The following RAB7A variants were observed in gnomAD, a reference collection of about 807,000 sequenced individuals.
The protein encoded by RAB7A is RAB7A, member RAS oncogene family.
A neutral mutation model predicts 24.5 loss-of-function variants in RAB7A; 2 were observed. That is an observed-to-expected ratio of 0.08 (90% CI 0.03 to 0.26). The LOEUF is 0.26. Ranked by LOEUF, RAB7A falls within the 10% of genes least tolerant of loss-of-function variation. The pLI, the probability that RAB7A is intolerant of heterozygous loss-of-function variation, is 1.00. For synonymous variants in RAB7A, 100 were observed against 95.9 expected (o/e 1.04, Z -0.25); for missense variants, 118 against 255.7 (o/e 0.46, Z 3.67).
chr3:128,798,176 C>A, intron 3 of RAB7A, 107 bp downstream of exon 3: 1 of 1,438,674 alleles, frequency 7.0e-7, no homozygotes, highest in Non-Finnish European at 9.7e-7. Context: ...ATCTTATTAT[C>A]TTATTTGTAG....
intron 1 of RAB7A, among the ~76,000 whole-genome samples, chr3:128,758,176 C>G (rs2070745394): frequency 6.6e-6 from 1 of 151,908 alleles, no homozygotes; most frequent in African/African-American, 2.4e-5. Flanking sequence ...ATTGGTTAGG[C>G]TGGATTTGAA....
intron 1 of RAB7A, among the ~76,000 whole-genome samples, chr3:128,731,109 A>G (rs1336981573): frequency 1.3e-5 from 2 of 152,222 alleles, no homozygotes; most frequent in African/African-American, 4.8e-5. Context: ...ATCTCAGATC[A>G]GGAGTCCTTT....
At chr3:128,761,130 C>G (rs973639766) in intron 1 of RAB7A, among the ~76,000 whole-genome samples, 5 of 152,254 alleles carry the variant, frequency 3.3e-5, no homozygotes, top group African/African-American at 1.2e-4. Flanking sequence ...CAGCCTGTTG[C>G]CTCCTCCCCA....
chr3:128,779,111 A>G (rs1483721286), intron 1 of RAB7A, among the ~76,000 whole-genome samples: 1 of 152,216 alleles, frequency 6.6e-6, no homozygotes, highest in Non-Finnish European at 1.5e-5. Context: ...AAATAAAATG[A>G]CTTTTAAGGA....
chr3:128,750,593 C>T (rs1038545518), intron 1 of RAB7A, among the ~76,000 whole-genome samples: 1 of 152,066 alleles, frequency 6.6e-6, no homozygotes, highest in African/African-American at 2.4e-5. Flanking sequence ...GCAAAGCATT[C>T]AAGAGGTGAT....
intron 1 of RAB7A, among the ~76,000 whole-genome samples, chr3:128,772,952 C>G (rs899338528): frequency 2.0e-5 from 3 of 152,194 alleles, no homozygotes; most frequent in Non-Finnish European, 2.9e-5. Flanking sequence ...ACCTCCACCT[C>G]CCAGCCGCCT....
At chr3:128,730,233 CT>C (rs35639393) in intron 1 of RAB7A, among the ~76,000 whole-genome samples, 754 of 142,692 alleles carry the variant, frequency 5.3e-3, no homozygotes, top group Admixed American at 4.9e-3. Context: ...TGTTTTAAAA[CT>C]TTTTTTTTTT....
chr3:128,734,961 C>T (rs1359633717), intron 1 of RAB7A, among the ~76,000 whole-genome samples: 1 of 152,086 alleles, frequency 6.6e-6, no homozygotes, highest in Admixed American at 6.5e-5. Context: ...TTTTCCAGTT[C>T]TAGCTTTTCA....
chr3:128,786,421 CTT>C (rs371695126), intron 1 of RAB7A, among the ~76,000 whole-genome samples: 5,050 of 152,212 alleles, frequency 0.033, 104 homozygotes, highest in Middle Eastern at 0.054. Flanking sequence ...TTCTCCAAAA[CTT>C]TATGAGCAAA....
At chr3:128,781,605 C>T (rs746852745) in intron 1 of RAB7A, among the ~76,000 whole-genome samples, 1 of 152,060 alleles carries the variant, frequency 6.6e-6, no homozygotes, top group African/African-American at 2.4e-5. Flanking sequence ...TGAGCCCCGG[C>T]GGTCGAGGCT....
At chr3:128,744,876 C>CTTTTTTTTTTTTTTTTTTTTTT (rs1242538121) in intron 1 of RAB7A, among the ~76,000 whole-genome samples, 1 of 139,382 alleles carries the variant, frequency 7.2e-6, no homozygotes. Flanking sequence ...TTTTCTTTTT[C>CTTTTTTTTTTTTTTTTTTTTTT]TTTTTTTTTT....
intron 5 of RAB7A, among the ~76,000 whole-genome samples, chr3:128,810,808 C>T (rs1007602701): frequency 6.6e-6 from 1 of 152,198 alleles, no homozygotes; most frequent in African/African-American, 2.4e-5. Context: ...AATCCCAGCA[C>T]TTCGGGAGGC....
chr3:128,750,715 A>G (rs2070672487), intron 1 of RAB7A, among the ~76,000 whole-genome samples: 1 of 152,236 alleles, frequency 6.6e-6, no homozygotes, highest in South Asian at 2.1e-4. Context: ...CTGAGGAGAA[A>G]TTCAAGCCCT....
intron 1 of RAB7A, among the ~76,000 whole-genome samples, chr3:128,793,380 C>T (rs903241217): frequency 7.2e-5 from 11 of 151,960 alleles, no homozygotes; most frequent in African/African-American, 2.2e-4. Flanking sequence ...GTCTTGAACT[C>T]CTGACCTTGT....
chr3:128,768,428 T>C (rs138766251), intron 1 of RAB7A, among the ~76,000 whole-genome samples: 1,816 of 152,282 alleles, frequency 0.012, 33 homozygotes, highest in African/African-American at 0.039. Flanking sequence ...TTTCATTTCC[T>C]TTGGGTAGGT....
chr3:128,738,299 T>C (rs1005576797), intron 1 of RAB7A, among the ~76,000 whole-genome samples: 3 of 152,170 alleles, frequency 2.0e-5, no homozygotes, highest in African/African-American at 7.2e-5. Context: ...CCCAAGGTGC[T>C]AGGATTACAG....
chr3:128,784,340 C>T (rs1271120331), intron 1 of RAB7A, among the ~76,000 whole-genome samples: 2 of 152,122 alleles, frequency 1.3e-5, no homozygotes, highest in African/African-American at 2.4e-5. Flanking sequence ...TTTCCCATAC[C>T]CATCCCAATC....
intron 1 of RAB7A, among the ~76,000 whole-genome samples, chr3:128,795,034 C>T (rs1434462529): frequency 6.6e-6 from 1 of 152,084 alleles, no homozygotes; most frequent in East Asian, 1.9e-4. Flanking sequence ...CTGAATGAAG[C>T]AAGGACCAAG....
intron 5 of RAB7A, among the ~76,000 whole-genome samples, chr3:128,811,859 A>G (rs1189106169): frequency 1.3e-5 from 2 of 151,114 alleles, no homozygotes; most frequent in Admixed American, 1.3e-4. Context: ...AAAAAAAAAA[A>G]AAGAAAGAAA....
Sources: allele counts gnomAD v4.1 joint callset (sites outside exome capture counted in the v4.1 genomes callset), GRCh38; gene constraint gnomAD v4.1.1; transcripts MANE v1.5; gene names NCBI Gene and HGNC (gene_info 2026-07-23, HGNC 2026-07-21).